MEI4: variants seen among roughly 807,000 people sequenced by gnomAD.
MEI4 encodes the protein meiotic double-stranded break formation protein 4.
A neutral mutation model predicts 31.4 loss-of-function variants in MEI4; 27 were observed. That is an observed-to-expected ratio of 0.86 (90% CI 0.63 to 1.19). The LOEUF is 1.19. MEI4 is among the 50% of genes most tolerant of loss of function. MEI4 has a pLI of 0.00. For missense variants in MEI4, 329 were observed against 398.9 expected (o/e 0.82, Z 1.49); for synonymous variants, 122 against 145.4 (o/e 0.84, Z 1.16).
intron 2 of MEI4, among the ~76,000 whole-genome samples, chr6:77,732,900 C>T (rs1489060934): frequency 4.0e-5 from 6 of 151,430 alleles, no homozygotes. Flanking sequence ...TGGTTTTTGT[C>T]TTTGGTTCTG....
At chr6:77,678,980 G>A (rs1296536653) in intron 1 of MEI4, among the ~76,000 whole-genome samples, 1 of 151,906 alleles carries the variant, frequency 6.6e-6, no homozygotes, top group Non-Finnish European at 1.5e-5. Context: ...AATAGGAAAA[G>A]TTTATAGAAT....
rs78901766 is a variant in MEI4, at chr6:77,890,961, G to A, written c.901-32128G>A. Among the ~76,000 whole-genome samples, 1,407 of 152,276 alleles carry A rather than the reference G, an allele frequency of 9.2e-3. 18 individuals carry two copies. Among genetic ancestry groups the A allele is most frequent in the African/African-American group, 0.031 (1,293 of 41,560 alleles). ...TGAGGCCTCCTCAGGCCTGCAGAAC[G>A]GTGAGTCAATTAAACTTCTTTCCTT... On this transcript the variant is annotated intron_variant, in intron 4 of 4. Transcript: ENST00000684080.
At chr6:77,712,835 G>A (rs1766496801) in intron 2 of MEI4, among the ~76,000 whole-genome samples, 1 of 152,034 alleles carries the variant, frequency 6.6e-6, no homozygotes, top group South Asian at 2.1e-4. Flanking sequence ...GCCGGGTGTG[G>A]TGGTGGGCGC....
intron 2 of MEI4, among the ~76,000 whole-genome samples, chr6:77,735,190 G>C (rs376369594): frequency 1.4e-4 from 21 of 151,968 alleles, no homozygotes; most frequent in Non-Finnish European, 2.8e-4. Flanking sequence ...TGCCTTGCTA[G>C]ATTGGGGAAG....
chr6:77,776,939 A>G lies in MEI4; in HGVS notation c.768+15274A>G, dbSNP rs141711804. 1.2e-4 allele frequency among the ~76,000 whole-genome samples: 19 copies of G among 152,292 alleles called. No individual in the cohort carries two copies. In the East Asian group the frequency reaches 3.5e-3, roughly 28 times the overall value. On this transcript the variant is annotated intron_variant, in intron 3 of 4. Coordinates refer to ENST00000684080, the MANE Select transcript of MEI4 (RefSeq NM_001322247.2). Reference sequence around the variant, plus strand: ...GCAAGAGATAAGAGGTAGCAAGAGAAACAACTTATGCTATGTAGTAGTCCA... The same window carrying G: ...GCAAGAGATAAGAGGTAGCAAGAGAGACAACTTATGCTATGTAGTAGTCCA...
chr6:77,788,272 T>C (rs1296813294), intron 3 of MEI4, among the ~76,000 whole-genome samples: 1 of 152,202 alleles, frequency 6.6e-6, no homozygotes, highest in Non-Finnish European at 1.5e-5. Context: ...AAGAGCTATC[T>C]ATGAGAAGCC....
At chr6:77,760,335 A>G (rs944226512) in intron 2 of MEI4, among the ~76,000 whole-genome samples, 1 of 151,986 alleles carries the variant, frequency 6.6e-6, no homozygotes, top group African/African-American at 2.4e-5. Context: ...GTATGTGCAT[A>G]ATTTTTCCAA....
In MEI4 at chr6:77,785,969, G is replaced by T. The variant is rs1031072766; in HGVS notation, c.768+24304G>T. On this transcript the variant is annotated intron_variant, in intron 3 of 4. Transcript: ENST00000684080. Reference sequence around the variant, plus strand: ...ACCTGTCACATATTTAGTTTTGAATGAATGCCACAGAAACATCTGAAGCAC... The same window carrying T: ...ACCTGTCACATATTTAGTTTTGAATTAATGCCACAGAAACATCTGAAGCAC... 3.9e-5 allele frequency among the ~76,000 whole-genome samples: 6 copies of T among 152,062 alleles called. No individual in the cohort carries two copies. The South Asian group carries it at 6.2e-4, about 16-fold the overall frequency.
chr6:77,784,749 G>C (rs9343658), intron 3 of MEI4, among the ~76,000 whole-genome samples: 27,985 of 152,016 alleles, frequency 0.18, 3,346 homozygotes, highest in East Asian at 0.4. Context: ...TGACTTGCCC[G>C]GAGTTGGTTT....
At chr6:77,842,467 A>G (rs1027435559) in intron 4 of MEI4, among the ~76,000 whole-genome samples, 1 of 150,978 alleles carries the variant, frequency 6.6e-6, no homozygotes, top group Non-Finnish European at 1.5e-5. Context: ...AATCAATAAT[A>G]TAAGAAACTA....
intron 1 of MEI4, among the ~76,000 whole-genome samples, chr6:77,660,446 G>T (rs1198624979): frequency 6.6e-6 from 1 of 152,062 alleles, no homozygotes; most frequent in Non-Finnish European, 1.5e-5. Flanking sequence ...ATGGCTTGAA[G>T]AAACAGTGTA....
intron 2 of MEI4, among the ~76,000 whole-genome samples, chr6:77,726,822 C>G (rs901780690): frequency 1.5e-4 from 8 of 51,948 alleles, no homozygotes; most frequent in Non-Finnish European, 2.9e-4. Flanking sequence ...CATTTTGTAA[C>G]AGACAAAAAT....
chr6:77,875,354 C>G (rs1235101419), intron 4 of MEI4, among the ~76,000 whole-genome samples: 1 of 152,204 alleles, frequency 6.6e-6, no homozygotes, highest in East Asian at 1.9e-4. Context: ...TTTTATGTAG[C>G]ATATAGTAGC....
chr6:77,731,770 T>A (rs1767000379), intron 2 of MEI4, among the ~76,000 whole-genome samples: 1 of 152,010 alleles, frequency 6.6e-6, no homozygotes, highest in Admixed American at 6.5e-5. Context: ...AGGTCTAACA[T>A]GTAAGTCTTT....
At chr6:77,654,998 G>A (rs934264001) in intron 1 of MEI4, among the ~76,000 whole-genome samples, 1 of 152,008 alleles carries the variant, frequency 6.6e-6, no homozygotes, top group Admixed American at 6.6e-5. Flanking sequence ...TGCTGCCATG[G>A]TGGTTTGCTG....
At chr6:77,875,097 C>A (rs1367903757) in intron 4 of MEI4, among the ~76,000 whole-genome samples, 1 of 152,228 alleles carries the variant, frequency 6.6e-6, no homozygotes, top group Non-Finnish European at 1.5e-5. Context: ...TTCCTGCTTC[C>A]CTACACAAAA....
At chr6:77,916,985 T>C (rs902979206) in intron 4 of MEI4, among the ~76,000 whole-genome samples, 1 of 149,386 alleles carries the variant, frequency 6.7e-6, no homozygotes, top group Non-Finnish European at 1.5e-5. Context: ...GTGATCTCAT[T>C]GTTCAATTCC....
At chr6:77,839,793 C>G (rs1770313381) in intron 4 of MEI4, among the ~76,000 whole-genome samples, 1 of 152,034 alleles carries the variant, frequency 6.6e-6, no homozygotes, top group African/African-American at 2.4e-5. Context: ...AAAAGAAAAT[C>G]AATATTCTAT....
Position 77,758,308 on chromosome 6 carries a change from G to A in MEI4, c.233-2822G>A, listed in dbSNP as rs1255442639. Among the ~76,000 whole-genome samples the A allele has an allele frequency of 3.3e-5, 5 of 152,268 alleles. No individual in the cohort carries two copies. In the East Asian group the frequency reaches 7.7e-4, roughly 24 times the overall value. ...CTCCTTTTAAGCATGGCATGTAGAA[G>A]TTGTAGTGATAATTAGCAAGCACAT... On this transcript the variant is annotated intron_variant, in intron 2 of 4. Transcript: ENST00000684080.
Sources: allele counts gnomAD v4.1 joint callset (sites outside exome capture counted in the v4.1 genomes callset), GRCh38; gene constraint gnomAD v4.1.1; transcripts MANE v1.5; gene names NCBI Gene and HGNC (gene_info 2026-07-23, HGNC 2026-07-21).